Variants in RUFY1 observed in about 807,000 individuals in gnomAD.
RUFY1 encodes RUN and FYVE domain containing 1, also known as RUN and FYVE domain-containing protein 1.
In RUFY1, 54 loss-of-function variants were observed where a neutral mutation model predicts 94.6. The ratio of observed to expected loss-of-function variants is 0.57; its 90% CI spans 0.46 to 0.72. RUFY1 has a LOEUF of 0.72. Ranked by LOEUF, RUFY1 falls within the 30% of genes least tolerant of loss-of-function variation. The pLI, the probability that RUFY1 is intolerant of heterozygous loss-of-function variation, is 0.00. For missense variants in RUFY1, 883 were observed against 883.9 expected (o/e 1.00, Z 0.01); for synonymous variants, 396 against 347.3 (o/e 1.14, Z -1.56).
intron 3 of RUFY1, among the ~76,000 whole-genome samples, chr5:179,565,110 G>A (rs761953352): frequency 6.6e-6 from 1 of 151,744 alleles, no homozygotes; most frequent in South Asian, 2.1e-4. Context: ...GAGGGGGATG[G>A]GAAGGTGGAG....
chr5:179,550,692 A>T lies in RUFY1; in HGVS notation c.123A>T (p.Arg41=), dbSNP rs760207775. The T allele has an allele frequency of 6.7e-7, 1 of 1,496,600 alleles. No individual in the cohort carries two copies. 92.7% of individuals were successfully genotyped at this position (1,496,600 alleles called of 1,614,324 possible). A position where few individuals can be genotyped will look rare whatever the true frequency, so the allele number is the denominator to read the frequency against. The change falls in exon 1 of 18, where the codon CGA becomes CGT. Residue 41 remains arginine, a synonymous_variant. Transcript: ENST00000319449. Reference sequence around the variant, plus strand: ...GAGAAGAGTTTGAGATCGTGGACCGAAGCCAGCTGCCCGGCCCAGGCGACC... The same window carrying T: ...GAGAAGAGTTTGAGATCGTGGACCGTAGCCAGCTGCCCGGCCCAGGCGACC... ...EPGEEFEIVD[R]SQLPGPGDLR... is the part of the protein sequence containing the mutation.
At chr5:179,581,319 G>A (rs1764138245) in intron 7 of RUFY1, among the ~76,000 whole-genome samples, 1 of 152,082 alleles carries the variant, frequency 6.6e-6, no homozygotes, top group African/African-American at 2.4e-5. Context: ...GGCAAGCACT[G>A]TTGCTGCTGG....
chr5:179,581,131 G>T, intron 7 of RUFY1, 119 bp downstream of exon 7: 1 of 639,978 alleles, frequency 1.6e-6, no homozygotes, highest in Non-Finnish European at 2.8e-6. Flanking sequence ...AGACAAAAGG[G>T]TCATCATTCA....
chr5:179,550,721 G>C lies in RUFY1; in HGVS notation c.152G>C (p.Arg51Pro), dbSNP rs767453216. Reference protein sequence around the residue: ...RSQLPGPGDLRSATRPRAAEG... With the variant: ...RSQLPGPGDLPSATRPRAAEG... ...CAGCTGCCCGGCCCAGGCGACCTGC[G>C]GAGCGCAACGAGGCCGCGGGCGGCC... is the stretch of plus-strand genomic sequence containing the variant. Residue 51 changes from arginine to proline, a missense_variant, in exon 1 of 18, where the codon CGG (arginine) becomes CCG (proline). Transcript: ENST00000319449. 1 of 1,483,602 alleles carries C rather than the reference G, an allele frequency of 6.7e-7. No homozygotes were observed. Among genetic ancestry groups the C allele is most frequent in the East Asian group, 2.9e-5 (1 of 34,410 alleles). The allele number at this position is 1,483,602 out of a possible 1,614,324, so 91.9% of individuals were successfully genotyped here. A position where few individuals can be genotyped will look rare whatever the true frequency, so the allele number is the denominator to read the frequency against.
At chr5:179,586,154 A>C (rs1764588870) in intron 8 of RUFY1, among the ~76,000 whole-genome samples, 1 of 152,114 alleles carries the variant, frequency 6.6e-6, no homozygotes, top group African/African-American at 2.4e-5. Flanking sequence ...TGTGTTGTGG[A>C]AGTGCCGTGT....
intron 16 of RUFY1, 108 bp downstream of exon 16, chr5:179,606,032 A>G: frequency 1.3e-6 from 1 of 774,750 alleles, no homozygotes; most frequent in Non-Finnish European, 2.2e-6. Flanking sequence ...TGGTTGAGGC[A>G]GTGGTGATGA....
intron 7 of RUFY1, among the ~76,000 whole-genome samples, chr5:179,584,782 A>G (rs530967175): frequency 1.4e-5 from 2 of 147,374 alleles, no homozygotes; most frequent in Non-Finnish European, 3.0e-5. Flanking sequence ...AAAAACAAAA[A>G]AAAGTAGTAC....
chr5:179,593,525 G>A lies in RUFY1; in HGVS notation c.1293G>A (p.Met431Ile). ...LELQIGMKTE[M>I]EIAMKLLEKD... ...TACAAATTGGAATGAAAACCGAAAT[G>A]GAAATTGCAATGAAGTTACTGGAAA... The change falls in exon 11 of 18, where the codon ATG (methionine) becomes ATA (isoleucine). Residue 431 changes from methionine (M) to isoleucine (I), a missense_variant. Coordinates refer to ENST00000319449, the MANE Select transcript of RUFY1 (RefSeq NM_025158.5). The A allele has an allele frequency of 6.2e-7, 1 of 1,613,194 alleles. No homozygotes were observed. The highest frequency in any genetic ancestry group is 8.5e-7 in the Non-Finnish European group (1 of 1,179,124).
rs1239820229 is a variant in RUFY1 at position 179,594,853 on chromosome 5, T to C, written c.1414-13T>C. 6.2e-7 allele frequency: 1 copy of C among 1,601,408 alleles called. No homozygotes were observed. Among genetic ancestry groups the C allele is most frequent in the Non-Finnish European group, 8.5e-7 (1 of 1,169,612 alleles). ...GGACAGGCAGAGTATGAACCCTTCC[T>C]TTGCTTTTGTAGAATGCAGAGAGCA... On this transcript the variant is annotated splice_polypyrimidine_tract_variant and intron_variant, in intron 11 of 17. Coordinates refer to ENST00000319449, the MANE Select transcript of RUFY1 (RefSeq NM_025158.5).
intron 13 of RUFY1, among the ~76,000 whole-genome samples, chr5:179,598,058 C>T (rs777551052): frequency 5.3e-4 from 80 of 152,194 alleles, no homozygotes; most frequent in Non-Finnish European, 6.9e-4. Context: ...GGCGTGGTGG[C>T]GTGTGCCTGT....
At position 179,580,972 on chromosome 5, in the gene RUFY1, G is replaced by A; in HGVS notation, c.916G>A (p.Asp306Asn). Residue 306 changes from aspartate to asparagine, a missense_variant, in exon 7 of 18, where the codon GAT becomes AAT. Coordinates refer to ENST00000319449, the MANE Select transcript of RUFY1 (RefSeq NM_025158.5). ...GCATGAAAGAATTACTGATGTCCTT[G>A]ATCAAAAAAATTATGTGGAAGAACT... is the stretch of plus-strand genomic sequence containing the variant. ...KEHERITDVL[D>N]QKNYVEELNR... 6.2e-7 allele frequency: 1 copy of A among 1,606,960 alleles called. No homozygotes were observed. Among genetic ancestry groups the A allele is most frequent in the Non-Finnish European group, 8.5e-7 (1 of 1,176,878 alleles).
chr5:179,595,114 G>A (rs1440288745), intron 12 of RUFY1, 151 bp downstream of exon 12: 23 of 591,076 alleles, frequency 3.9e-5, no homozygotes, highest in East Asian at 2.0e-4. Context: ...AGGCCGACGC[G>A]GGAGGATCAC....
In RUFY1 at chr5:179,601,999, C is replaced by T. The variant is rs775897067; in HGVS notation, c.1856+13C>T. ...TGCACCTCAGCCAGTAAGAACCCCACTCCCCTTGTCTGCCACTGCAGGCAC... is the reference window on the plus strand; with the variant it reads ...TGCACCTCAGCCAGTAAGAACCCCATTCCCCTTGTCTGCCACTGCAGGCAC... On this transcript the variant is annotated intron_variant, in intron 15 of 17. Coordinates refer to ENST00000319449, the MANE Select transcript of RUFY1 (RefSeq NM_025158.5). 6.3e-7 allele frequency: 1 copy of T among 1,598,800 alleles called. No homozygotes were observed. Among genetic ancestry groups the T allele is most frequent in the Non-Finnish European group, 8.6e-7 (1 of 1,166,678 alleles).
intron 1 of RUFY1, among the ~76,000 whole-genome samples, chr5:179,552,178 A>AC (rs1309243506): frequency 2.0e-5 from 3 of 149,518 alleles, no homozygotes; most frequent in African/African-American, 7.6e-5. Context: ...AAAAAAAAAA[A>AC]AAAAAAAAAC....
chr5:179,577,146 G>A lies in RUFY1; in HGVS notation c.890+10G>A. 1.2e-6 allele frequency: 1 copy of A among 860,286 alleles called. No individual in the cohort carries two copies. Among genetic ancestry groups the A allele is most frequent in the Non-Finnish European group, 1.8e-6 (1 of 544,318 alleles). The allele number at this position is 860,286 out of a possible 1,614,324, so 53.3% of individuals were successfully genotyped here. A position where few individuals can be genotyped will look rare whatever the true frequency, so the allele number is the denominator to read the frequency against. On this transcript the variant is annotated intron_variant, in intron 6 of 17. Transcript: ENST00000319449. ...TTGATGGTGGCAAGGAGTAAGTACT[G>A]CGTTGTATGTCACTTTTTTTTTTTT...
intron 4 of RUFY1, among the ~76,000 whole-genome samples, chr5:179,567,796 C>T (rs1186799685): frequency 6.6e-6 from 1 of 151,946 alleles, no homozygotes; most frequent in Non-Finnish European, 1.5e-5. Context: ...CCCAGCTACT[C>T]AGAAGGCTGA....
chr5:179,581,009 T>C lies in RUFY1; in HGVS notation c.953T>C (p.Leu318Ser). The part of the protein sequence containing the change: ...KNYVEELNRH[L>S]SCTVGDLQTK... ...TATGTGGAAGAACTTAACCGGCACT[T>C]GAGGTAAGACTCCTTTTTTTTTCAA... Residue 318 changes from leucine (L) to serine (S), a missense_variant, in exon 7 of 18, where the codon TTG becomes TCG. Transcript: ENST00000319449. The C allele has an allele frequency of 6.2e-7, 1 of 1,601,050 alleles. No homozygotes were observed. Among genetic ancestry groups the C allele is most frequent in the African/African-American group, 1.3e-5 (1 of 74,526 alleles).
intron 14 of RUFY1, among the ~76,000 whole-genome samples, chr5:179,600,459 A>T (rs1392303331): frequency 6.6e-6 from 1 of 152,190 alleles, no homozygotes; most frequent in African/African-American, 2.4e-5. Flanking sequence ...ATGAGGTCCC[A>T]GGTCACCCCC....
At chr5:179,579,764 A>G (rs1272327934) in intron 6 of RUFY1, among the ~76,000 whole-genome samples, 1 of 140,858 alleles carries the variant, frequency 7.1e-6, no homozygotes, top group African/African-American at 2.6e-5. Context: ...CCCGAGTTCA[A>G]TCAGTTCTCC....
Sources: allele counts gnomAD v4.1 joint callset (sites outside exome capture counted in the v4.1 genomes callset), GRCh38; gene constraint gnomAD v4.1.1; transcripts MANE v1.5; gene names NCBI Gene and HGNC (gene_info 2026-07-23, HGNC 2026-07-21).